The following DPP10 variants were observed in gnomAD, a reference collection of about 807,000 sequenced individuals.
The protein encoded by DPP10 is inactive dipeptidyl peptidase 10.
DPP10 carries 33 observed loss-of-function variants against 120.9 expected under a neutral mutation model. That is an observed-to-expected ratio of 0.27 (90% CI 0.21 to 0.37). The LOEUF (loss-of-function observed/expected upper bound fraction) is 0.37. Among genes scored for constraint, DPP10 ranks in the 10% least tolerant of loss-of-function variants. The pLI is 1.00. For synonymous variants in DPP10, 337 were observed against 326.1 expected, an observed-to-expected ratio of 1.03 and a Z score of -0.36; for missense variants, 816 against 942.8, an observed-to-expected ratio of 0.87 and a Z score of 1.76.
chr2:114,460,991 T>C (rs1038333684), intron 1 of DPP10, among the ~76,000 whole-genome samples: 1 of 152,218 alleles, frequency 6.6e-6, no homozygotes, highest in Non-Finnish European at 1.5e-5. Flanking sequence ...TTTATGCGGC[T>C]TTTTATACCC....
At chr2:114,739,789 T>C (rs766226718) in intron 1 of DPP10, among the ~76,000 whole-genome samples, 25 of 152,202 alleles carry the variant, frequency 1.6e-4, no homozygotes, top group Non-Finnish European at 3.2e-4. Context: ...ATTGTTATTT[T>C]CAAACTAAGA....
intron 1 of DPP10, among the ~76,000 whole-genome samples, chr2:115,236,506 G>T (rs1332703354): frequency 4.6e-5 from 7 of 152,132 alleles, no homozygotes; most frequent in Admixed American, 4.6e-4. Flanking sequence ...CAAACACTGA[G>T]GATTCTTATT....
intron 1 of DPP10, among the ~76,000 whole-genome samples, chr2:114,691,822 T>C (rs767599220): frequency 2.6e-5 from 4 of 152,018 alleles, no homozygotes; most frequent in Non-Finnish European, 5.9e-5. Context: ...AGGATATATG[T>C]GTCCAGGAAT....
chr2:115,499,355 G>A (rs2076563258), intron 3 of DPP10, among the ~76,000 whole-genome samples, 155 bp from the exon 4 acceptor site: 1 of 151,986 alleles, frequency 6.6e-6, no homozygotes. Context: ...GATCTTTCAC[G>A]AGAATGAATG....
chr2:114,601,193 T>C (rs1573763408), intron 1 of DPP10, among the ~76,000 whole-genome samples: 1 of 151,990 alleles, frequency 6.6e-6, no homozygotes, highest in Admixed American at 6.6e-5. Context: ...TTGTAATGGG[T>C]GGGCACATCC....
intron 1 of DPP10, among the ~76,000 whole-genome samples, chr2:114,497,453 C>T (rs921465787): frequency 6.7e-6 from 1 of 150,028 alleles, no homozygotes; most frequent in East Asian, 2.0e-4. Context: ...ATAGATGCAT[C>T]TATTTTATAG....
At chr2:115,009,757 C>T (rs2105078476) in intron 1 of DPP10, among the ~76,000 whole-genome samples, 1 of 152,076 alleles carries the variant, frequency 6.6e-6, no homozygotes, top group East Asian at 1.9e-4. Flanking sequence ...CACATGTATC[C>T]TACAAGTTAA....
At chr2:114,941,967 G>T (rs1324059648) in intron 1 of DPP10, among the ~76,000 whole-genome samples, 1 of 152,006 alleles carries the variant, frequency 6.6e-6, no homozygotes, top group East Asian at 1.9e-4. Context: ...TGAACATTTT[G>T]TCAGATCAAA....
chr2:115,672,682 CTT>C (rs2089985299), intron 5 of DPP10, among the ~76,000 whole-genome samples: 1 of 137,492 alleles, frequency 7.3e-6, no homozygotes, highest in African/African-American at 2.8e-5. Flanking sequence ...CTTTCTTTCT[CTT>C]TCTTTCTTTC....
intron 1 of DPP10, among the ~76,000 whole-genome samples, chr2:115,036,969 A>C (rs1704266909): frequency 6.6e-6 from 1 of 152,064 alleles, no homozygotes; most frequent in Non-Finnish European, 1.5e-5. Flanking sequence ...GGACCAGGTG[A>C]CTTTTTTTCT....
chr2:115,028,112 A>G (rs778581114), intron 1 of DPP10, among the ~76,000 whole-genome samples: 12 of 151,858 alleles, frequency 7.9e-5, no homozygotes, highest in Non-Finnish European at 1.6e-4. Context: ...TTCTGCTCCA[A>G]TTTTTATTAC....
At chr2:114,940,417 G>C (rs1462284264) in intron 1 of DPP10, among the ~76,000 whole-genome samples, 1 of 152,110 alleles carries the variant, frequency 6.6e-6, no homozygotes, top group Admixed American at 6.6e-5. Context: ...ATCAGAGAGA[G>C]AGAAAGATAC....
intron 5 of DPP10, among the ~76,000 whole-genome samples, chr2:115,673,052 A>G (rs1417711490): frequency 6.6e-6 from 1 of 152,050 alleles, no homozygotes; most frequent in Non-Finnish European, 1.5e-5. Context: ...CCCGACTATC[A>G]TGGCTTATAT....
intron 1 of DPP10, among the ~76,000 whole-genome samples, chr2:114,481,893 A>G (rs2104682632): frequency 6.6e-6 from 1 of 151,418 alleles, no homozygotes; most frequent in South Asian, 2.1e-4. Flanking sequence ...GAGAAGAAGG[A>G]GAAGAGAGGA....
chr2:115,434,394 A>G (rs894001215), intron 3 of DPP10, among the ~76,000 whole-genome samples: 5 of 151,978 alleles, frequency 3.3e-5, no homozygotes, highest in Non-Finnish European at 7.4e-5. Flanking sequence ...TCCTGGCAAT[A>G]CTTGGATGAA....
intron 1 of DPP10, among the ~76,000 whole-genome samples, chr2:114,466,230 ATAAC>A (rs1490030111): frequency 3.5e-4 from 54 of 152,356 alleles, no homozygotes; most frequent in Non-Finnish European, 4.4e-5. Flanking sequence ...TAAAGCCACA[ATAAC>A]TAAGGCAATC....
At chr2:114,523,247 G>A (rs1685222493) in intron 1 of DPP10, among the ~76,000 whole-genome samples, 1 of 152,166 alleles carries the variant, frequency 6.6e-6, no homozygotes, top group Non-Finnish European at 1.5e-5. Context: ...GTGAGGGGCT[G>A]GACTTTTGTT....
chr2:114,826,156 T>A (rs570222668), intron 1 of DPP10, among the ~76,000 whole-genome samples: 2 of 152,182 alleles, frequency 1.3e-5, no homozygotes, highest in Non-Finnish European at 2.9e-5. Flanking sequence ...ATGTAATGTA[T>A]AGAGTAAAAT....
At chr2:115,485,859 G>A (rs1558738723) in intron 3 of DPP10, among the ~76,000 whole-genome samples, 1 of 152,004 alleles carries the variant, frequency 6.6e-6, no homozygotes, top group African/African-American at 2.4e-5. Flanking sequence ...GTATATTTCA[G>A]TTATGATATT....
Sources: allele counts gnomAD v4.1 joint callset (sites outside exome capture counted in the v4.1 genomes callset), GRCh38; gene constraint gnomAD v4.1.1; transcripts MANE v1.5; gene names NCBI Gene and HGNC (gene_info 2026-07-23, HGNC 2026-07-21).